Variants in CHST15 observed in about 807,000 individuals in gnomAD.
CHST15 encodes B cell RAG associated protein (GALNAC4S-6ST).
Under a neutral mutation model 53.6 loss-of-function variants are expected in CHST15, and 30 were observed. That is an observed-to-expected ratio of 0.56 (90% CI 0.42 to 0.76). CHST15 has a LOEUF of 0.76. Among genes scored for constraint, CHST15 ranks in the 30% least tolerant of loss-of-function variants. The pLI is 0.00. For missense variants in CHST15, 627 were observed against 740.5 expected (o/e 0.85, Z 1.78); for synonymous variants, 296 against 289.8 (o/e 1.02, Z -0.22).
chr10:124,036,617 A>C lies in CHST15; in HGVS notation c.1190+1898T>G, dbSNP rs1207989486. Among the ~76,000 whole-genome samples, 1 of 152,138 alleles carries C rather than the reference A, an allele frequency of 6.6e-6. No individual in the cohort carries two copies. The highest frequency in any genetic ancestry group is 1.5e-5 in the Non-Finnish European group (1 of 68,016). On this transcript the variant is annotated intron_variant, in intron 5 of 7. Transcript: ENST00000435907. The surrounding 1 kb of genome is among the most constrained non-coding windows in gnomAD (Gnocchi z 5.1). ...GCATGTTTCTGGGGGGCAACAATGC[A>C]AAGTGAAAGAAGCAGGACATAAGAC...
At position 124,008,949 on chromosome 10, in the gene CHST15, C is replaced by T. The variant is rs117282975; in HGVS notation, c.*1200G>A. ...GGCCTGGAAAATTCCATGAAGAACA[C>T]GGCTCTTAGAAACCTCATTCCAAAT... On this transcript the variant is annotated 3_prime_UTR_variant, in exon 8 of 8. Coordinates refer to ENST00000435907, the MANE Select transcript of CHST15 (RefSeq NM_001270764.2). The T allele has an allele frequency of 2.5e-4, 328 of 1,289,086 alleles. 2 individuals are homozygous for T. In the East Asian group the frequency reaches 0.013, roughly 50 times the overall value. 79.9% of individuals were successfully genotyped at this position (1,289,086 alleles called of 1,614,324 possible).
intron 1 of CHST15, among the ~76,000 whole-genome samples, chr10:124,056,382 G>C (rs2134070645): frequency 6.6e-6 from 1 of 152,244 alleles, no homozygotes; most frequent in Admixed American, 6.5e-5. Context: ...TGTCGGCCTG[G>C]GGCATTGAGT....
intron 1 of CHST15, among the ~76,000 whole-genome samples, chr10:124,067,660 A>C (rs1403592152): frequency 6.6e-6 from 1 of 152,240 alleles, no homozygotes; most frequent in Non-Finnish European, 1.5e-5. Flanking sequence ...TCTGTCACCC[A>C]GCCTGGAGTG....
chr10:124,018,408 T>C (rs949567262), intron 6 of CHST15, among the ~76,000 whole-genome samples: 1 of 152,228 alleles, frequency 6.6e-6, no homozygotes, highest in Non-Finnish European at 1.5e-5. Flanking sequence ...GCTGATTAAG[T>C]GAGAGCATGA....
intron 1 of CHST15, among the ~76,000 whole-genome samples, chr10:124,070,045 A>G (rs151040847): frequency 8.3e-4 from 126 of 152,354 alleles, no homozygotes; most frequent in Admixed American, 1.7e-3. Context: ...GTCAGGAACA[A>G]ATGATATAGC....
At chr10:124,038,111 T>TA (rs1233726744) in intron 5 of CHST15, among the ~76,000 whole-genome samples, 11 of 136,056 alleles carry the variant, frequency 8.1e-5, no homozygotes, top group Admixed American at 2.2e-4. Context: ...TTATTTTATT[T>TA]TATTTTTTTT....
intron 5 of CHST15, among the ~76,000 whole-genome samples, chr10:124,027,073 T>C (rs930156870): frequency 6.6e-6 from 1 of 152,184 alleles, no homozygotes; most frequent in Non-Finnish European, 1.5e-5. Flanking sequence ...CCCGAACAGA[T>C]GGGTATTACA....
At chr10:124,011,955 C>T in intron 7 of CHST15, 2 of 725,598 alleles carry the variant, frequency 2.8e-6, no homozygotes, top group Non-Finnish European at 3.4e-6. Context: ...AAGCCTTCCT[C>T]ATCCGTGCAG....
At chr10:124,039,032 G>A (rs905387319) in intron 4 of CHST15, among the ~76,000 whole-genome samples, 3 of 152,154 alleles carry the variant, frequency 2.0e-5, no homozygotes, top group Admixed American at 1.3e-4. Context: ...GCACAGCTCT[G>A]TGGCATTTTA....
At chr10:124,077,143 CAT>C (rs1471110248) in intron 1 of CHST15, among the ~76,000 whole-genome samples, 1 of 152,246 alleles carries the variant, frequency 6.6e-6, no homozygotes, top group Admixed American at 6.5e-5. Flanking sequence ...GTGCTGTTCT[CAT>C]TCCTGGTATA....
In CHST15 at chr10:124,024,374, T is replaced by A. The variant is rs1449932621; in HGVS notation, c.1191-2962A>T. Among the ~76,000 whole-genome samples the A allele has an allele frequency of 6.6e-6, 1 of 152,102 alleles. No homozygotes were observed. The highest frequency in any genetic ancestry group is 6.6e-5 in the Admixed American group (1 of 15,266). On this transcript the variant is annotated intron_variant, in intron 5 of 7. Coordinates refer to ENST00000435907, the MANE Select transcript of CHST15 (RefSeq NM_001270764.2). The surrounding 1 kb of genome is among the most constrained non-coding windows in gnomAD (Gnocchi z 4.0). ...CTCTGACACAGCCCTCTAGAATTCA[T>A]CCACGGCCAATGTCCACAGAGGACA... is the stretch of plus-strand genomic sequence containing the variant.
intron 1 of CHST15, among the ~76,000 whole-genome samples, chr10:124,089,152 T>G (rs1949528160): frequency 6.6e-6 from 1 of 152,200 alleles, no homozygotes; most frequent in African/African-American, 2.4e-5. Flanking sequence ...ATCTCATACC[T>G]GAGCATCCCC....
chr10:124,015,479 C>G (rs192141382), intron 6 of CHST15, among the ~76,000 whole-genome samples: 2 of 151,990 alleles, frequency 1.3e-5, no homozygotes, highest in African/African-American at 4.8e-5. Context: ...TGGAGCTTGT[C>G]CCCCATGCAG....
Position 124,024,282 on chromosome 10 carries a change from G to A in CHST15, c.1191-2870C>T, listed in dbSNP as rs536511704. Reference sequence around the variant, plus strand: ...TCTAATTGAGGTCATGATATGAGGAGCAGCATTTCTTAGGGACAGGCCCAG... The same window carrying A: ...TCTAATTGAGGTCATGATATGAGGAACAGCATTTCTTAGGGACAGGCCCAG... On this transcript the variant is annotated intron_variant, in intron 5 of 7. Coordinates refer to ENST00000435907, the MANE Select transcript of CHST15 (RefSeq NM_001270764.2). The surrounding 1 kb of genome is among the most constrained non-coding windows in gnomAD (Gnocchi z 4.0). 4.6e-5 allele frequency among the ~76,000 whole-genome samples: 7 copies of A among 152,334 alleles called. No homozygotes were observed. The highest frequency in any genetic ancestry group is 7.3e-5 in the Non-Finnish European group (5 of 68,034).
intron 6 of CHST15, chr10:124,020,217 A>AC: frequency 1.0e-6 from 1 of 985,464 alleles, no homozygotes; most frequent in Non-Finnish European, 1.2e-6. Flanking sequence ...CAGCATTATT[A>AC]CCCCATTGTA....
intron 4 of CHST15, 76 bp downstream of exon 4, chr10:124,042,225 G>A: frequency 6.8e-7 from 1 of 1,470,474 alleles, no homozygotes; most frequent in Non-Finnish European, 9.2e-7. Context: ...GTGAAGCAGA[G>A]CTGGGCTAGG....
chr10:124,074,279 T>C lies in CHST15; in HGVS notation c.-513+19190A>G, dbSNP rs1482199220. Among the ~76,000 whole-genome samples the C allele has an allele frequency of 6.6e-6, 1 of 152,146 alleles. No individual in the cohort carries two copies. The highest frequency in any genetic ancestry group is 1.5e-5 in the Non-Finnish European group (1 of 68,034). ...CATTAGACAGTTTCTACTTGGCAAGTTGCTTCAAGAATTTCTCAAATCTCT... is the reference window on the plus strand; with the variant it reads ...CATTAGACAGTTTCTACTTGGCAAGCTGCTTCAAGAATTTCTCAAATCTCT... On this transcript the variant is annotated intron_variant, in intron 1 of 7. Transcript: ENST00000435907. This position sits in a 1 kb window ranked among gnomAD's most constrained non-coding sequence, Gnocchi z 4.4.
chr10:124,093,186 G>C (rs1037203912), intron 1 of CHST15, among the ~76,000 whole-genome samples: 2 of 152,140 alleles, frequency 1.3e-5, no homozygotes, highest in Non-Finnish European at 2.9e-5. Flanking sequence ...CCGGGCCAAG[G>C]AGCCCGGGGC....
At chr10:124,047,542 C>A (rs930400666) in intron 1 of CHST15, among the ~76,000 whole-genome samples, 1 of 152,094 alleles carries the variant, frequency 6.6e-6, no homozygotes, top group Non-Finnish European at 1.5e-5. Context: ...GTAGAAAGAG[C>A]CATGGATAAG....
Sources: allele counts gnomAD v4.1 joint callset (sites outside exome capture counted in the v4.1 genomes callset), GRCh38; gene constraint gnomAD v4.1.1; non-coding constraint Gnocchi (gnomAD v3.1); transcripts MANE v1.5; gene names NCBI Gene and HGNC (gene_info 2026-07-23, HGNC 2026-07-21).